The following RCAN2 variants were observed in gnomAD, a reference collection of about 807,000 sequenced individuals.
RCAN2 encodes the protein calcipressin-2.
RCAN2 carries 9 observed loss-of-function variants against 23.6 expected under a neutral mutation model. The observed-to-expected ratio is 0.38, with a 90% CI of 0.23 to 0.67. The LOEUF is 0.67. Among genes scored for constraint, RCAN2 ranks in the 30% least tolerant of loss-of-function variants. The pLI is 0.51. For missense variants in RCAN2, 273 were observed against 302.3 expected (o/e 0.90, Z 0.72); for synonymous variants, 109 against 115.7 (o/e 0.94, Z 0.37).
intron 2 of RCAN2, among the ~76,000 whole-genome samples, chr6:46,315,844 C>A (rs1351291564): frequency 1.3e-5 from 2 of 152,184 alleles, no homozygotes; most frequent in Non-Finnish European, 2.9e-5. Flanking sequence ...ATCCAGGCCC[C>A]TCATTTCCTG....
At chr6:46,272,534 T>C (rs566731529) in intron 2 of RCAN2, among the ~76,000 whole-genome samples, 9 of 152,342 alleles carry the variant, frequency 5.9e-5, no homozygotes, top group African/African-American at 2.2e-4. Flanking sequence ...ACAACTCACA[T>C]ATATATAGAT....
chr6:46,223,092 A>C lies in RCAN2; in HGVS notation c.*49T>G. 6.3e-7 allele frequency: 1 copy of C among 1,593,012 alleles called. No individual in the cohort carries two copies. The highest frequency in any genetic ancestry group is 8.5e-7 in the Non-Finnish European group (1 of 1,170,160). On this transcript the variant is annotated 3_prime_UTR_variant, in exon 5 of 5. Transcript: ENST00000371374. ...TTTTTTTTGACAAACAACAGGGGGA[A>C]AAAGCATGATAAAGAGGAGACGGCT...
chr6:46,240,109 TG>T (rs1462418478), intron 4 of RCAN2, among the ~76,000 whole-genome samples: 2 of 152,142 alleles, frequency 1.3e-5, no homozygotes, highest in Non-Finnish European at 1.5e-5. Flanking sequence ...CTCTGTGAGC[TG>T]GGTCCTCCCT....
intron 2 of RCAN2, among the ~76,000 whole-genome samples, chr6:46,363,434 AT>A (rs953559453): frequency 3.9e-4 from 60 of 152,064 alleles, no homozygotes; most frequent in African/African-American, 8.2e-4. Context: ...TTAAAAATGT[AT>A]TTTTTTTCTT....
At chr6:46,297,512 C>A (rs1762761520) in intron 2 of RCAN2, among the ~76,000 whole-genome samples, 1 of 151,962 alleles carries the variant, frequency 6.6e-6, no homozygotes, top group Non-Finnish European at 1.5e-5. Flanking sequence ...TAGACACCCC[C>A]CGCTTTGCCT....
chr6:46,278,126 A>G (rs1293316476), intron 2 of RCAN2, among the ~76,000 whole-genome samples: 4 of 152,312 alleles, frequency 2.6e-5, no homozygotes, highest in Non-Finnish European at 5.9e-5. Flanking sequence ...TTCTTTGAAC[A>G]AAAGATGTCA....
At chr6:46,323,945 T>C (rs879313100) in intron 2 of RCAN2, among the ~76,000 whole-genome samples, 1 of 152,196 alleles carries the variant, frequency 6.6e-6, no homozygotes, top group Non-Finnish European at 1.5e-5. Flanking sequence ...TCAGGGCAAG[T>C]GTGTAAACAA....
At chr6:46,273,423 C>T (rs748085561) in intron 2 of RCAN2, among the ~76,000 whole-genome samples, 8 of 152,176 alleles carry the variant, frequency 5.3e-5, no homozygotes, top group Non-Finnish European at 1.0e-4. Flanking sequence ...TGTTGTCTAC[C>T]TTTGATATTG....
chr6:46,358,874 C>T (rs1159876168), intron 2 of RCAN2, among the ~76,000 whole-genome samples: 3 of 152,108 alleles, frequency 2.0e-5, no homozygotes, highest in East Asian at 1.9e-4. Context: ...GCATTGGTGT[C>T]GTTTAAAGCT....
At position 46,390,018 on chromosome 6, in the gene RCAN2, C is replaced by T. The variant is rs866085762; in HGVS notation, c.225+66734G>A. ...GAACATATAGCATTATTATTCGAGA[C>T]CAAAAAAAAAAAAAAAAATCAAACT... On this transcript the variant is annotated intron_variant, in intron 2 of 4. Transcript: ENST00000371374. Among the ~76,000 whole-genome samples, 5 of 100,122 alleles carry T rather than the reference C, an allele frequency of 5.0e-5. No individual in the cohort carries two copies. The South Asian group carries it at 1.9e-3, about 39-fold the overall frequency. The allele number at this position is 100,122 out of a possible 152,430, so 65.7% of individuals were successfully genotyped here. A position where few individuals can be genotyped will look rare whatever the true frequency, so the allele number is the denominator to read the frequency against.
At chr6:46,311,822 C>T (rs550261592) in intron 2 of RCAN2, among the ~76,000 whole-genome samples, 2 of 152,278 alleles carry the variant, frequency 1.3e-5, no homozygotes, top group Non-Finnish European at 2.9e-5. Context: ...TCATTTGTCA[C>T]CTGCACTAGA....
chr6:46,401,763 T>A (rs951865650), intron 2 of RCAN2, among the ~76,000 whole-genome samples: 1 of 152,204 alleles, frequency 6.6e-6, no homozygotes. Flanking sequence ...ATAGATATAG[T>A]AATAGTAAAA....
intron 2 of RCAN2, among the ~76,000 whole-genome samples, chr6:46,279,394 C>T (rs771559277): frequency 2.0e-5 from 3 of 152,166 alleles, no homozygotes; most frequent in African/African-American, 4.8e-5. Context: ...GCACTATTGA[C>T]ATTTGGGTCC....
chr6:46,405,803 C>T (rs1766383594), intron 2 of RCAN2, among the ~76,000 whole-genome samples: 1 of 152,230 alleles, frequency 6.6e-6, no homozygotes, highest in Non-Finnish European at 1.5e-5. Context: ...GGACTGGGCG[C>T]CGTGGAGCAG....
intron 1 of RCAN2, among the ~76,000 whole-genome samples, chr6:46,476,333 A>G (rs763283545): frequency 6.6e-6 from 1 of 152,222 alleles, no homozygotes; most frequent in Non-Finnish European, 1.5e-5. Context: ...TAATCCATAA[A>G]GCTAGGTAGC....
rs868036610 is a variant in RCAN2, at chr6:46,345,703, C to T, written c.226-96807G>A. On this transcript the variant is annotated intron_variant, in intron 2 of 4. Coordinates refer to ENST00000371374, the MANE Select transcript of RCAN2 (RefSeq NM_001251974.2). The stretch of plus-strand genomic sequence containing the variant: ...CATAGGTGTACAGTGGAATTGTCTA[C>T]AGGCTGGATAACATGTGATGTCACA... Among the ~76,000 whole-genome samples the T allele has an allele frequency of 5.3e-5, 8 of 152,224 alleles. No homozygotes were observed. The South Asian group carries it at 1.5e-3, about 28-fold the overall frequency.
chr6:46,420,959 A>G (rs536742963), intron 2 of RCAN2, among the ~76,000 whole-genome samples: 1 of 152,358 alleles, frequency 6.6e-6, no homozygotes, highest in East Asian at 1.9e-4. Flanking sequence ...GGCACTAAGG[A>G]GGCTGAGATG....
At chr6:46,297,489 C>T (rs181863147) in intron 2 of RCAN2, among the ~76,000 whole-genome samples, 3 of 152,018 alleles carry the variant, frequency 2.0e-5, no homozygotes, top group Admixed American at 2.0e-4. Flanking sequence ...CTGCACAGTC[C>T]GGGTGGGTAG....
intron 2 of RCAN2, among the ~76,000 whole-genome samples, chr6:46,268,266 G>A (rs1394069775): frequency 6.6e-6 from 1 of 152,162 alleles, no homozygotes; most frequent in Non-Finnish European, 1.5e-5. Flanking sequence ...GTTGAAGAGA[G>A]CAGACATAAG....
Sources: gnomAD v4.1 joint callset for allele counts (sites outside exome capture counted in the v4.1 genomes callset) on GRCh38, gnomAD v4.1.1 for gene constraint, MANE v1.5 for transcripts, NCBI Gene and HGNC (gene_info 2026-07-23, HGNC 2026-07-21) for gene names.